The following RALYL variants were observed in gnomAD, a reference collection of about 807,000 sequenced individuals.
RALYL encodes RALY RNA binding protein like.
RALYL carries 29 observed loss-of-function variants against 35.1 expected under a neutral mutation model. The ratio of observed to expected loss-of-function variants is 0.83; its 90% confidence interval spans 0.61 to 1.13. The LOEUF (loss-of-function observed/expected upper bound fraction) is 1.13, where lower values mean the gene tolerates loss of function less well. Ranked by LOEUF, RALYL falls within the 50% of genes most tolerant of loss-of-function variation. The probability of loss-of-function intolerance (pLI) is 0.00; values close to 1 mark genes in which losing one functional copy is unlikely to be tolerated. For synonymous variants in RALYL, 120 were observed against 127.6 expected (o/e 0.94, Z 0.40); for missense variants, 359 against 360.4 (o/e 1.00, Z 0.03).
intron 4 of RALYL, among the ~76,000 whole-genome samples, chr8:84,844,232 TA>T (rs1834087282): frequency 6.6e-6 from 1 of 152,180 alleles, no homozygotes; most frequent in African/African-American, 2.4e-5. Flanking sequence ...GATAAAGGGT[TA>T]ATATCCAGAA....
At chr8:84,683,169 T>A (rs867917994) in intron 2 of RALYL, among the ~76,000 whole-genome samples, 24 of 152,220 alleles carry the variant, frequency 1.6e-4, no homozygotes, top group African/African-American at 5.5e-4. Context: ...AGTTTCTTAA[T>A]CCTGAGTTCT....
chr8:84,672,489 A>G (rs149283646), intron 2 of RALYL, among the ~76,000 whole-genome samples: 65 of 152,318 alleles, frequency 4.3e-4, no homozygotes, highest in African/African-American at 1.5e-3. Flanking sequence ...GTATCTTTAC[A>G]GCAGCACCCC....
At chr8:84,426,330 C>T (rs781297203) in intron 1 of RALYL, among the ~76,000 whole-genome samples, 12 of 152,040 alleles carry the variant, frequency 7.9e-5, no homozygotes, top group Non-Finnish European at 1.5e-4. Flanking sequence ...TAGATCTCTA[C>T]ACTCTTGCAT....
intron 4 of RALYL, among the ~76,000 whole-genome samples, chr8:84,816,479 C>T (rs1324667527): frequency 6.6e-6 from 1 of 151,978 alleles, no homozygotes; most frequent in African/African-American, 2.4e-5. Context: ...TATGAGGATG[C>T]TTATTACATT....
At chr8:84,876,253 A>G (rs561959272) in intron 7 of RALYL, among the ~76,000 whole-genome samples, 1 of 152,304 alleles carries the variant, frequency 6.6e-6, no homozygotes, top group Admixed American at 6.5e-5. Context: ...CAAGTCTTTC[A>G]AATGTAAACT....
intron 1 of RALYL, among the ~76,000 whole-genome samples, chr8:84,457,275 T>C (rs1368286728): frequency 6.6e-6 from 1 of 152,020 alleles, no homozygotes; most frequent in East Asian, 1.9e-4. Context: ...TTACAAGATA[T>C]CATTTTCATA....
intron 2 of RALYL, among the ~76,000 whole-genome samples, chr8:84,768,698 C>T (rs893487269): frequency 4.6e-5 from 7 of 152,120 alleles, no homozygotes; most frequent in African/African-American, 1.7e-4. Context: ...TGCTTTCCTA[C>T]CATTAAAAAC....
intron 2 of RALYL, among the ~76,000 whole-genome samples, chr8:84,595,246 G>T (rs1291201897): frequency 3.3e-5 from 5 of 152,014 alleles, no homozygotes; most frequent in Non-Finnish European, 7.4e-5. Flanking sequence ...TCTATATAAA[G>T]AATTGAAAGT....
At chr8:84,213,791 T>A (rs1820120760) in intron 1 of RALYL, among the ~76,000 whole-genome samples, 1 of 152,224 alleles carries the variant, frequency 6.6e-6, no homozygotes, top group Non-Finnish European at 1.5e-5. Context: ...TAAGAATATA[T>A]GTTCGAATGC....
chr8:84,210,591 C>T (rs942736983), intron 1 of RALYL, among the ~76,000 whole-genome samples: 2 of 151,952 alleles, frequency 1.3e-5, no homozygotes, highest in African/African-American at 4.8e-5. Flanking sequence ...TGGATCATTC[C>T]CTCTACCAGT....
At chr8:84,330,010 T>A (rs1846520589) in intron 1 of RALYL, among the ~76,000 whole-genome samples, 1 of 149,456 alleles carries the variant, frequency 6.7e-6, no homozygotes, top group African/African-American at 2.4e-5. Flanking sequence ...GATATTATTA[T>A]GAATATGTAA....
chr8:84,281,746 G>A (rs1836612553), intron 1 of RALYL, among the ~76,000 whole-genome samples: 1 of 146,410 alleles, frequency 6.8e-6, no homozygotes, highest in Non-Finnish European at 1.6e-5. Context: ...ATCTCCAAGT[G>A]TATGTGTGTG....
intron 2 of RALYL, among the ~76,000 whole-genome samples, chr8:84,687,778 A>G (rs1371534501): frequency 6.6e-6 from 1 of 151,842 alleles, no homozygotes. Flanking sequence ...TGGGGTATTC[A>G]CTCTCTCACT....
chr8:84,918,333 T>C (rs1269469354), intron 8 of RALYL, among the ~76,000 whole-genome samples: 1 of 152,064 alleles, frequency 6.6e-6, no homozygotes, highest in African/African-American at 2.4e-5. Flanking sequence ...AAATTAAATG[T>C]GCCTTCCATG....
At chr8:84,337,697 C>G (rs370509373) in intron 1 of RALYL, among the ~76,000 whole-genome samples, 51 of 152,138 alleles carry the variant, frequency 3.4e-4, no homozygotes, top group African/African-American at 1.1e-3. Flanking sequence ...TGGAATACTT[C>G]TTCTGTGGTA....
chr8:84,677,825 A>AC (rs1834527904), intron 2 of RALYL, among the ~76,000 whole-genome samples: 2 of 152,338 alleles, frequency 1.3e-5, no homozygotes, highest in South Asian at 4.1e-4. Flanking sequence ...CAATGCATGT[A>AC]CTTCTAGTCT....
intron 1 of RALYL, among the ~76,000 whole-genome samples, chr8:84,521,623 A>G (rs1400201882): frequency 2.0e-5 from 3 of 152,298 alleles, no homozygotes; most frequent in African/African-American, 7.2e-5. Flanking sequence ...TTTACCACTT[A>G]TTATTACTCT....
chr8:84,913,309 G>A (rs541638160), intron 8 of RALYL, among the ~76,000 whole-genome samples: 2 of 152,018 alleles, frequency 1.3e-5, no homozygotes, highest in East Asian at 3.9e-4. Flanking sequence ...CTTATTAGAG[G>A]AATCTGATTA....
intron 1 of RALYL, among the ~76,000 whole-genome samples, chr8:84,480,651 G>C (rs1003697976): frequency 3.3e-5 from 5 of 152,122 alleles, no homozygotes; most frequent in Admixed American, 2.6e-4. Context: ...GGTGATAAGA[G>C]AGCGTTCAAG....
Sources: allele counts gnomAD v4.1 joint callset (sites outside exome capture counted in the v4.1 genomes callset), GRCh38; gene constraint gnomAD v4.1.1; transcripts MANE v1.5; gene names NCBI Gene and HGNC (gene_info 2026-07-23, HGNC 2026-07-21).